Variants in GRIA4 observed in about 807,000 individuals in gnomAD.
The protein encoded by GRIA4 is glutamate receptor 4.
In GRIA4, 34 loss-of-function variants were observed where a neutral mutation model predicts 104.0. That is an observed-to-expected ratio of 0.33 (90% CI 0.25 to 0.44). GRIA4 has a LOEUF of 0.44. Among genes scored for constraint, GRIA4 ranks in the 20% least tolerant of loss-of-function variants. The pLI is 1.00. For missense variants in GRIA4, 750 were observed against 1,096.5 expected, an observed-to-expected ratio of 0.68 and a Z score of 4.46; for synonymous variants, 386 against 381.9, an observed-to-expected ratio of 1.01 and a Z score of -0.13.
intron 3 of GRIA4, among the ~76,000 whole-genome samples, chr11:105,623,765 T>C (rs1028325322): frequency 6.6e-6 from 1 of 151,806 alleles, no homozygotes; most frequent in Non-Finnish European, 1.5e-5. Flanking sequence ...CTAATGATCA[T>C]CTTTTTTTTA....
intron 4 of GRIA4, among the ~76,000 whole-genome samples, chr11:105,827,523 A>G (rs1174716753): frequency 6.6e-6 from 1 of 152,050 alleles, no homozygotes; most frequent in Non-Finnish European, 1.5e-5. Flanking sequence ...AAAATGTTCT[A>G]TAATTTTATT....
chr11:105,768,073 A>G (rs1222171314), intron 4 of GRIA4, among the ~76,000 whole-genome samples: 1 of 152,068 alleles, frequency 6.6e-6, no homozygotes, highest in African/African-American at 2.4e-5. Context: ...CAGCTTTAGA[A>G]ATTTATTTCA....
At chr11:105,615,383 G>A (rs964194845) in intron 3 of GRIA4, among the ~76,000 whole-genome samples, 13 of 151,714 alleles carry the variant, frequency 8.6e-5, no homozygotes, top group Non-Finnish European at 1.6e-4. Context: ...CCACATTCCT[G>A]AGGAAGGAAC....
At chr11:105,921,048 C>G (rs769200742) in intron 11 of GRIA4, among the ~76,000 whole-genome samples, 2 of 152,148 alleles carry the variant, frequency 1.3e-5, no homozygotes, top group Admixed American at 6.6e-5. Flanking sequence ...GTGATTAACT[C>G]TGCAAAATTA....
chr11:105,793,028 T>G (rs1009991005), intron 4 of GRIA4, among the ~76,000 whole-genome samples: 2 of 152,190 alleles, frequency 1.3e-5, no homozygotes, highest in African/African-American at 4.8e-5. Flanking sequence ...TTCTCTTATT[T>G]AAGGAAAAGT....
At chr11:105,906,799 A>T (rs998305165) in intron 9 of GRIA4, among the ~76,000 whole-genome samples, 3 of 152,010 alleles carry the variant, frequency 2.0e-5, no homozygotes, top group Non-Finnish European at 4.4e-5. Context: ...AGAACAGCCC[A>T]CTCTACCAGC....
intron 14 of GRIA4, among the ~76,000 whole-genome samples, chr11:105,961,575 T>C (rs925213787): frequency 6.6e-6 from 1 of 152,170 alleles, no homozygotes; most frequent in African/African-American, 2.4e-5. Flanking sequence ...TGTTTTGGAT[T>C]TCAGATTTTT....
chr11:105,648,474 C>T (rs868754038), intron 3 of GRIA4, among the ~76,000 whole-genome samples: 21 of 150,580 alleles, frequency 1.4e-4, no homozygotes, highest in African/African-American at 3.2e-4. Context: ...ATGCTTTATA[C>T]GCTAAAGTTT....
rs575323586 is a variant in GRIA4, at chr11:105,853,401, G to A, written c.488-8623G>A. Reference sequence around the variant, plus strand: ...AAGGCTACCTTAGGATATCTCTAAAGGTATTCCTGCTGAGATATGTGGGAC... The same window carrying A: ...AAGGCTACCTTAGGATATCTCTAAAAGTATTCCTGCTGAGATATGTGGGAC... On this transcript the variant is annotated intron_variant, in intron 4 of 16. Coordinates refer to ENST00000282499, the MANE Select transcript of GRIA4 (RefSeq NM_000829.4). 4.6e-5 allele frequency among the ~76,000 whole-genome samples: 7 copies of A among 152,162 alleles called. No homozygotes were observed. The South Asian group carries it at 1.5e-3, about 32-fold the overall frequency.
chr11:105,722,876 AAAT>A (rs1365365420), intron 3 of GRIA4, among the ~76,000 whole-genome samples: 2 of 152,142 alleles, frequency 1.3e-5, no homozygotes, highest in Non-Finnish European at 1.5e-5. Context: ...TTTTACAGTG[AAAT>A]AATATTATCG....
At chr11:105,717,779 G>A (rs546584196) in intron 3 of GRIA4, among the ~76,000 whole-genome samples, 28 of 151,126 alleles carry the variant, frequency 1.9e-4, no homozygotes, top group Admixed American at 4.0e-4. Flanking sequence ...AGTTACATAT[G>A]TATACATGTG....
intron 3 of GRIA4, among the ~76,000 whole-genome samples, chr11:105,644,076 T>C (rs1444034310): frequency 6.6e-6 from 1 of 152,098 alleles, no homozygotes; most frequent in Non-Finnish European, 1.5e-5. Flanking sequence ...CAGAAGAGTA[T>C]GAGAAAAAAC....
chr11:105,799,160 A>C (rs1942612358), intron 4 of GRIA4, among the ~76,000 whole-genome samples: 1 of 152,110 alleles, frequency 6.6e-6, no homozygotes, highest in Non-Finnish European at 1.5e-5. Context: ...GAACTAGGTG[A>C]GTATGTTTAG....
At chr11:105,662,007 T>TTTGTGTG (rs1952027601) in intron 3 of GRIA4, among the ~76,000 whole-genome samples, 15 of 149,960 alleles carry the variant, frequency 1.0e-4, no homozygotes, top group African/African-American at 3.4e-4. Flanking sequence ...GTGTGTGTGT[T>TTTGTGTG]TGTGTGTGTG....
chr11:105,819,183 T>C (rs1328861280), intron 4 of GRIA4, among the ~76,000 whole-genome samples: 2 of 152,148 alleles, frequency 1.3e-5, no homozygotes, highest in African/African-American at 4.8e-5. Context: ...GCTCTTTACT[T>C]ATTTATGTGC....
At chr11:105,855,067 A>G (rs184478047) in intron 4 of GRIA4, among the ~76,000 whole-genome samples, 15 of 152,322 alleles carry the variant, frequency 9.8e-5, no homozygotes, top group African/African-American at 3.6e-4. Context: ...AATGATTAAT[A>G]ATTTATTAAG....
At chr11:105,871,564 T>C (rs1002372920) in intron 5 of GRIA4, among the ~76,000 whole-genome samples, 1 of 151,626 alleles carries the variant, frequency 6.6e-6, no homozygotes, top group African/African-American at 2.4e-5. Flanking sequence ...GTCTAACTGA[T>C]TTATAAAGAC....
intron 7 of GRIA4, among the ~76,000 whole-genome samples, chr11:105,899,440 G>C (rs927848959): frequency 2.0e-5 from 3 of 152,136 alleles, no homozygotes; most frequent in Non-Finnish European, 2.9e-5. Flanking sequence ...GGAATACACA[G>C]GATATAATTA....
chr11:105,803,662 T>C (rs1168678555), intron 4 of GRIA4, among the ~76,000 whole-genome samples: 2 of 151,926 alleles, frequency 1.3e-5, no homozygotes, highest in Non-Finnish European at 2.9e-5. Context: ...TCTATCATAA[T>C]TCCATTTTTA....
Sources: allele counts gnomAD v4.1 joint callset (sites outside exome capture counted in the v4.1 genomes callset), GRCh38; gene constraint gnomAD v4.1.1; transcripts MANE v1.5; gene names NCBI Gene and HGNC (gene_info 2026-07-23, HGNC 2026-07-21).